RFC3: variants seen among roughly 807,000 people sequenced by gnomAD.
RFC3 encodes the protein replication factor C subunit 3.
A neutral mutation model predicts 45.1 loss-of-function variants in RFC3; 41 were observed. That is an observed-to-expected ratio of 0.91 (90% CI 0.71 to 1.18). The LOEUF is 1.18. Among genes scored for constraint, RFC3 ranks in the 50% most tolerant of loss-of-function variants. The pLI, the probability that RFC3 is intolerant of heterozygous loss-of-function variation, is 0.00. For synonymous variants in RFC3, 149 were observed against 144.0 expected, an observed-to-expected ratio of 1.03 and a Z score of -0.25; for missense variants, 423 against 428.1, an observed-to-expected ratio of 0.99 and a Z score of 0.10.
the RFC3 span, among the ~76,000 whole-genome samples, chr13:33,972,198 T>G: frequency 1.2e-4 from 19 of 152,224 alleles, no homozygotes; most frequent in African/African-American, 4.6e-4. Context: ...ATAAATTATG[T>G]TTTTGAACTT....
intron 8 of RFC3, among the ~76,000 whole-genome samples, chr13:33,874,373 A>G (rs1477709852): frequency 6.6e-6 from 1 of 152,126 alleles, no homozygotes. Context: ...GCTGGAGTGC[A>G]GTGGTGCAGT....
At chr13:33,861,963 T>C (rs1413901917) in intron 8 of RFC3, among the ~76,000 whole-genome samples, 1 of 152,194 alleles carries the variant, frequency 6.6e-6, no homozygotes, top group Non-Finnish European at 1.5e-5. Context: ...TTACTTCAGG[T>C]GTAGAAAGTT....
intron 7 of RFC3, among the ~76,000 whole-genome samples, chr13:33,834,172 C>CT (rs1418308532): frequency 1.3e-5 from 2 of 148,528 alleles, no homozygotes; most frequent in African/African-American, 2.5e-5. Context: ...TTTTCCCCCA[C>CT]TTTTTTTAAG....
intron 8 of RFC3, among the ~76,000 whole-genome samples, chr13:33,894,707 C>A: frequency 6.6e-6 from 1 of 152,100 alleles, no homozygotes; most frequent in South Asian, 2.1e-4. Context: ...TGGAACACTG[C>A]AGGTGTTCCT....
intron 8 of RFC3, among the ~76,000 whole-genome samples, chr13:33,873,007 A>G (rs1395151906): frequency 6.6e-6 from 1 of 152,204 alleles, no homozygotes; most frequent in Non-Finnish European, 1.5e-5. Context: ...CTGTGACTAG[A>G]AAGGGCTAGA....
chr13:33,861,402 C>T (rs961954941), intron 8 of RFC3, among the ~76,000 whole-genome samples: 62 of 152,108 alleles, frequency 4.1e-4, no homozygotes, highest in African/African-American at 1.4e-3. Context: ...CCGAGGCGGG[C>T]AGATCGCCTG....
intron 8 of RFC3, among the ~76,000 whole-genome samples, chr13:33,888,383 GTCAC>G (rs764738879): frequency 4.2e-4 from 64 of 152,132 alleles, no homozygotes; most frequent in Admixed American, 1.2e-3. Flanking sequence ...AAACAGAGTA[GTCAC>G]TCCTAGTTAA....
intron 8 of RFC3, among the ~76,000 whole-genome samples, chr13:33,920,263 GT>G (rs1243464781): frequency 2.0e-5 from 3 of 152,042 alleles, no homozygotes; most frequent in Non-Finnish European, 4.4e-5. Flanking sequence ...TTCCATCACA[GT>G]AACTTCCAAC....
intron 8 of RFC3, among the ~76,000 whole-genome samples, chr13:33,892,162 G>T (rs539318297): frequency 8.5e-5 from 13 of 152,084 alleles, no homozygotes; most frequent in African/African-American, 3.1e-4. Context: ...TTGAGAGATA[G>T]CTGAGACATC....
At chr13:33,906,922 G>A (rs1484829215) in intron 8 of RFC3, among the ~76,000 whole-genome samples, 2 of 152,024 alleles carry the variant, frequency 1.3e-5, no homozygotes, top group Admixed American at 6.6e-5. Context: ...TCTGTGTCCC[G>A]AGTTCAGGTG....
chr13:33,850,385 ATG>A (rs1338729794), intron 8 of RFC3: 9 of 152,138 alleles, frequency 5.9e-5, no homozygotes, highest in African/African-American at 2.4e-5. Context: ...TTATAATAAA[ATG>A]TATCTATTTT....
At chr13:33,831,100 A>G (rs1054427773) in intron 6 of RFC3, among the ~76,000 whole-genome samples, 156 bp from the exon 7 acceptor site, 4 of 152,220 alleles carry the variant, frequency 2.6e-5, no homozygotes, top group African/African-American at 9.6e-5. Flanking sequence ...CTGGTCCGAC[A>G]GGAGGTGGAA....
chr13:33,920,391 G>A (rs2082760958), intron 8 of RFC3, among the ~76,000 whole-genome samples: 1 of 145,082 alleles, frequency 6.9e-6, no homozygotes, highest in African/African-American at 2.6e-5. Flanking sequence ...ACCCTTGCAT[G>A]TGTGAGTTTT....
At chr13:33,877,610 A>C (rs955684172) in intron 8 of RFC3, among the ~76,000 whole-genome samples, 1 of 151,870 alleles carries the variant, frequency 6.6e-6, no homozygotes, top group Admixed American at 6.6e-5. Flanking sequence ...GGCATTAATA[A>C]AAATGAAAAG....
chr13:33,822,168 G>T (rs535601530), intron 2 of RFC3, among the ~76,000 whole-genome samples: 124 of 152,278 alleles, frequency 8.1e-4, no homozygotes, highest in Admixed American at 1.6e-3. Context: ...TGTATGTTGT[G>T]GAAATTCGTA....
At chr13:33,853,802 TGA>T (rs2082292321) in intron 8 of RFC3, among the ~76,000 whole-genome samples, 1 of 152,114 alleles carries the variant, frequency 6.6e-6, no homozygotes, top group African/African-American at 2.4e-5. Context: ...CCCAAGTCAC[TGA>T]GAGGTGACTT....
chr13:33,935,791 G>T (rs560613779), intron 8 of RFC3, among the ~76,000 whole-genome samples: 2 of 152,016 alleles, frequency 1.3e-5, no homozygotes, highest in Admixed American at 1.3e-4. Context: ...GGTCTGTTAG[G>T]AACAAACAAA....
intron 8 of RFC3, among the ~76,000 whole-genome samples, chr13:33,925,659 TACC>T (rs1424322702): frequency 3.3e-5 from 5 of 150,708 alleles, no homozygotes; most frequent in South Asian, 2.1e-4. Context: ...GTGAAATGAT[TACC>T]ACAATTAAGT....
chr13:33,842,406 G>C (rs1400564584), downstream of RFC3, among the ~76,000 whole-genome samples: 1 of 152,162 alleles, frequency 6.6e-6, no homozygotes. Context: ...CCTAAGATGT[G>C]AACCCTCTTT....
Sources: allele counts gnomAD v4.1 joint callset (sites outside exome capture counted in the v4.1 genomes callset), GRCh38; gene constraint gnomAD v4.1.1; transcripts MANE v1.5; gene names NCBI Gene and HGNC (gene_info 2026-07-23, HGNC 2026-07-21).